Variants in OTOG observed in about 807,000 individuals in gnomAD.
OTOG encodes otogelin.
A neutral mutation model predicts 313.8 loss-of-function variants in OTOG; 296 were observed. That is an observed-to-expected ratio of 0.94 (90% CI 0.86 to 1.04). OTOG has a LOEUF of 1.04. Among genes scored for constraint, OTOG ranks in the 50% least tolerant of loss-of-function variants. The pLI is 0.00. For synonymous variants in OTOG, 1,533 were observed against 1,554.9 expected, an observed-to-expected ratio of 0.99 and a Z score of 0.33; for missense variants, 3,948 against 3,840.1, an observed-to-expected ratio of 1.03 and a Z score of -0.74.
chr11:17,615,119 A>G (rs1219272880), intron 39 of OTOG, among the ~76,000 whole-genome samples: 1 of 152,142 alleles, frequency 6.6e-6, no homozygotes, highest in Non-Finnish European at 1.5e-5. Context: ...CTTACTGATG[A>G]TGTTGAGCAT....
intron 39 of OTOG, among the ~76,000 whole-genome samples, chr11:17,627,498 T>C: frequency 6.6e-6 from 1 of 152,216 alleles, no homozygotes; most frequent in East Asian, 1.9e-4. Context: ...ATCTTGCTAG[T>C]ATTTTTTTGA....
intron 23 of OTOG, among the ~76,000 whole-genome samples, chr11:17,580,766 T>C (rs1852647429): frequency 6.6e-6 from 1 of 152,196 alleles, no homozygotes; most frequent in South Asian, 2.1e-4. Context: ...TACTAGGTGA[T>C]AGGCAGTGTG....
chr11:17,635,328 C>T, intron 46 of OTOG, 141 bp downstream of exon 46: 1 of 700,074 alleles, frequency 1.4e-6, no homozygotes. Flanking sequence ...AGCTCACTGT[C>T]CAGGAAACAG....
At chr11:17,625,513 C>T (rs148447199) in intron 39 of OTOG, among the ~76,000 whole-genome samples, 72 of 152,222 alleles carry the variant, frequency 4.7e-4, no homozygotes, top group African/African-American at 1.7e-3. Flanking sequence ...CCTACTTGAT[C>T]GTGGTGAATA....
rs184239653 is a variant in OTOG, at chr11:17,611,680, G to T, written c.6123+257G>T. 5.0e-4 allele frequency among the ~76,000 whole-genome samples: 76 copies of T among 152,316 alleles called. No homozygotes were observed. In the East Asian group the frequency reaches 0.014, roughly 27 times the overall value. ...TGTGTGTGTGCTAGTGTGTGCCTGT[G>T]TGAGACTGCTGTGTGTGTTTGTGTT... is the stretch of plus-strand genomic sequence containing the variant. On this transcript the variant is annotated intron_variant, in intron 36 of 55. Transcript: ENST00000399397.
chr11:17,631,734 A>T lies in OTOG; in HGVS notation c.6745A>T (p.Thr2249Ser). Residue 2249 changes from threonine (T) to serine (S), a missense_variant, in exon 41 of 56, where the codon ACC becomes TCC. Physicochemically the swap from Thr to Ser is moderately conservative, Grantham distance 58. Coordinates refer to ENST00000399397, the MANE Select transcript of OTOG (RefSeq NM_001292063.2). ...ICDGDAANDL[T>S]LKDGSVVGGA... ...TGATGGAGATGCAGCCAATGACCTT[A>T]CCCTGAAGGATGGCTCAGTGGTGGG... The T allele has an allele frequency of 6.4e-7, 1 of 1,550,500 alleles. No homozygotes were observed. Among genetic ancestry groups the T allele is most frequent in the Non-Finnish European group, 8.7e-7 (1 of 1,146,980 alleles).
chr11:17,641,527 G>A (rs1258049543), intron 51 of OTOG, among the ~76,000 whole-genome samples: 1 of 152,168 alleles, frequency 6.6e-6, no homozygotes, highest in African/African-American at 2.4e-5. Flanking sequence ...AGAAAACTGA[G>A]GCTTAGGGAG....
chr11:17,573,862 C>A (rs1478592505), intron 19 of OTOG, among the ~76,000 whole-genome samples: 3 of 152,214 alleles, frequency 2.0e-5, no homozygotes, highest in Non-Finnish European at 4.4e-5. Flanking sequence ...TCTATTCCAG[C>A]CCTGCAGGTG....
Position 17,596,148 on chromosome 11 carries a change from C to T in OTOG, c.3519C>T (p.His1173=). ...TCAGTGAGGTGTTTGAGATCTGCCA[C>T]CCTGTGGTGAGTGTACCCCAGCCTC... ...ILLSEVFEIC[H]PVVDVTWFYS... is the part of the protein sequence containing the mutation. The change falls in exon 29 of 56, where the codon CAC becomes CAT. Residue 1173 remains histidine (H), a synonymous_variant. Transcript: ENST00000399397. The T allele has an allele frequency of 6.5e-7, 1 of 1,549,308 alleles. No individual in the cohort carries two copies. Among genetic ancestry groups the T allele is most frequent in the Non-Finnish European group, 8.7e-7 (1 of 1,145,822 alleles).
intron 39 of OTOG, among the ~76,000 whole-genome samples, chr11:17,616,557 G>A (rs1326898088): frequency 1.3e-5 from 2 of 151,796 alleles, no homozygotes; most frequent in African/African-American, 4.8e-5. Context: ...TTTTTTATTT[G>A]TGTTTTGTAG....
chr11:17,559,017 T>A, intron 10 of OTOG, 35 bp from the exon 11 acceptor site: 1 of 1,516,958 alleles, frequency 6.6e-7, no homozygotes, highest in Admixed American at 2.0e-5. Context: ...CACTTTGGGT[T>A]TTGTTCCAGT....
In OTOG at chr11:17,597,017, CCAGA is replaced by C. The variant is rs1260787403; in HGVS notation, c.3682+13_3682+16del. ...ACCCCCCGCCTCTGCCGTGAGTGTCCCAGACAATCACCTGAGGGGACAGAGTAGA... is the reference window on the plus strand; with the variant it reads ...ACCCCCCGCCTCTGCCGTGAGTGTCCCAATCACCTGAGGGGACAGAGTAGA... On this transcript the variant is annotated intron_variant, in intron 30 of 55. Coordinates refer to ENST00000399397, the MANE Select transcript of OTOG (RefSeq NM_001292063.2). 12 of 1,549,302 alleles carry C rather than the reference CCAGA, an allele frequency of 7.7e-6. No homozygotes were observed. Among genetic ancestry groups the C allele is most frequent in the Non-Finnish European group, 1.0e-5 (12 of 1,146,828 alleles).
intron 39 of OTOG, among the ~76,000 whole-genome samples, chr11:17,624,316 A>G (rs949183982): frequency 8.5e-5 from 13 of 152,178 alleles, no homozygotes; most frequent in African/African-American, 3.1e-4. Context: ...ATCTATCTTA[A>G]GTTAATATTT....
intron 30 of OTOG, among the ~76,000 whole-genome samples, chr11:17,597,727 ATTT>A (rs1277881725): frequency 6.6e-6 from 1 of 152,192 alleles, no homozygotes; most frequent in Non-Finnish European, 1.5e-5. Flanking sequence ...TTCATTGATT[ATTT>A]TTTATTTATT....
intron 15 of OTOG, among the ~76,000 whole-genome samples, chr11:17,563,929 C>A (rs570010141): frequency 1.4e-5 from 2 of 143,942 alleles, no homozygotes; most frequent in East Asian, 2.1e-4. Flanking sequence ...AACTCCTGGG[C>A]TCATGTGATT....
chr11:17,610,611 G>C lies in OTOG; in HGVS notation c.5311G>C (p.Ala1771Pro). The stretch of plus-strand genomic sequence containing the variant: ...TCCAGCTCTGCCCCCAGAGACCCCA[G>C]CTGCCGCCAGCCTGTCAACAGCCAC... The part of the protein sequence containing the change: ...RSPALPPETP[A>P]AASLSTATDG... The change falls in exon 36 of 56, where the codon GCT (alanine) becomes CCT (proline). Residue 1771 changes from alanine to proline, a missense_variant. Transcript: ENST00000399397. 1 of 1,550,554 alleles carries C rather than the reference G, an allele frequency of 6.4e-7. No individual in the cohort carries two copies. Among genetic ancestry groups the C allele is most frequent in the Non-Finnish European group, 8.7e-7 (1 of 1,146,974 alleles).
At chr11:17,613,765 AGGGG>A in intron 39 of OTOG, 64 bp downstream of exon 39, 2 of 1,057,736 alleles carry the variant, frequency 1.9e-6, no homozygotes, top group Non-Finnish European at 1.3e-6. Flanking sequence ...CAGGGCATCC[AGGGG>A]TGGAGGGGCT....
intron 3 of OTOG, among the ~76,000 whole-genome samples, chr11:17,551,203 CCAA>C (rs778981611): frequency 2.6e-5 from 4 of 152,166 alleles, no homozygotes; most frequent in African/African-American, 7.2e-5. Flanking sequence ...GGAGGAGGAG[CCAA>C]CTGTGCCCAG....
In OTOG at chr11:17,586,556, C is replaced by T; in HGVS notation, c.2842C>T (p.Gln948Ter). 7.0e-7 allele frequency: 1 copy of T among 1,418,734 alleles called. No individual in the cohort carries two copies. The highest frequency in any genetic ancestry group is 9.2e-7 in the Non-Finnish European group (1 of 1,082,182). The allele number at this position is 1,418,734 out of a possible 1,614,324, so 87.9% of individuals were successfully genotyped here. A position where few individuals can be genotyped will look rare whatever the true frequency, so the allele number is the denominator to read the frequency against. The change falls in exon 24 of 56, where the codon CAG becomes TAG. Residue 948 changes from glutamine to a stop codon, truncating the protein, a stop_gained. Coordinates refer to ENST00000399397, the MANE Select transcript of OTOG (RefSeq NM_001292063.2). LOFTEE classifies it high-confidence loss of function. ...WKGKEYFPGD[Q>*]VMSPCHTCVC... ...GGGGAAGGAGTATTTCCCTGGGGACCAGGTGATGTCTCCTTGCCATACCTG... is the reference window on the plus strand; with the variant it reads ...GGGGAAGGAGTATTTCCCTGGGGACTAGGTGATGTCTCCTTGCCATACCTG...
Sources: allele counts gnomAD v4.1 joint callset (sites outside exome capture counted in the v4.1 genomes callset), GRCh38; gene constraint gnomAD v4.1.1; transcripts MANE v1.5; gene names NCBI Gene and HGNC (gene_info 2026-07-23, HGNC 2026-07-21).